Variants in CASK observed in about 807,000 individuals in gnomAD.
CASK encodes peripheral plasma membrane protein CASK.
A neutral mutation model predicts 82.9 loss-of-function variants in CASK; 4 were observed. The observed-to-expected ratio is 0.05, with a 90% CI of 0.02 to 0.11. CASK has a LOEUF of 0.11. Among genes scored for constraint, CASK ranks in the 10% least tolerant of loss-of-function variants. The pLI, the probability that CASK is intolerant of heterozygous loss-of-function variation, is 1.00. For synonymous variants in CASK, 259 were observed against 253.5 expected (o/e 1.02, Z -0.20); for missense variants, 358 against 720.9 (o/e 0.50, Z 5.76).
chrX:41,840,510 C>G (rs983814526), intron 2 of CASK, among the ~76,000 whole-genome samples: 1 of 111,940 alleles, frequency 8.9e-6, no homozygotes, highest in Admixed American at 9.4e-5. Flanking sequence ...CATAGACAAT[C>G]ATGTCATCTC....
intron 1 of CASK, among the ~76,000 whole-genome samples, chrX:41,854,103 C>A (rs2071316521): frequency 9.0e-6 from 1 of 111,511 alleles, no homozygotes; most frequent in Non-Finnish European, 1.9e-5. Flanking sequence ...GAAGTAATTT[C>A]TATGAGCACA....
chrX:41,720,018 T>G (rs1287442735), intron 5 of CASK, among the ~76,000 whole-genome samples: 18 of 112,847 alleles, frequency 1.6e-4, no homozygotes, highest in Non-Finnish European at 1.9e-5. Context: ...CTAAGAGAAG[T>G]TACTATTTAT....
At chrX:41,531,273 C>A in intron 24 of CASK, 64 bp from the exon 25 acceptor site, 3 of 860,535 alleles carry the variant, frequency 3.5e-6, no homozygotes, top group Middle Eastern at 2.7e-4. Flanking sequence ...ACACTCCCAA[C>A]AGATTTACTC....
At chrX:41,907,832 G>A (rs1188592474) in intron 1 of CASK, among the ~76,000 whole-genome samples, 1 of 110,937 alleles carries the variant, frequency 9.0e-6, no homozygotes, top group African/African-American at 3.3e-5. Flanking sequence ...CGGGGTGGGG[G>A]TAGGGGGTTC....
intron 9 of CASK, among the ~76,000 whole-genome samples, chrX:41,633,366 C>T (rs1334777677): frequency 1.8e-5 from 2 of 110,722 alleles, no homozygotes; most frequent in Non-Finnish European, 3.8e-5. Flanking sequence ...CAGATAACAA[C>T]AGTTACCACT....
At chrX:41,824,678 T>C (rs757902597) in intron 2 of CASK, among the ~76,000 whole-genome samples, 2 of 111,904 alleles carry the variant, frequency 1.8e-5, no homozygotes, top group African/African-American at 3.2e-5. Flanking sequence ...TTCAGAGTTC[T>C]GTCCCTAAGG....
At chrX:41,874,946 C>A (rs2148014160) in intron 1 of CASK, among the ~76,000 whole-genome samples, 1 of 112,575 alleles carries the variant, frequency 8.9e-6, no homozygotes, top group South Asian at 3.6e-4. Context: ...AACAGACAAT[C>A]ACGAATGGTA....
chrX:41,870,711 G>A (rs1332271627), intron 1 of CASK, among the ~76,000 whole-genome samples: 1 of 111,842 alleles, frequency 8.9e-6, no homozygotes, highest in Non-Finnish European at 1.9e-5. Flanking sequence ...TAATGAGACT[G>A]ACTAATATTA....
intron 1 of CASK, among the ~76,000 whole-genome samples, chrX:41,889,963 T>A (rs1157332103): frequency 1.8e-5 from 2 of 111,765 alleles, no homozygotes; most frequent in East Asian, 5.6e-4. Context: ...GAACTTTGCA[T>A]AATTACTTCC....
Position 41,518,756 on chromosome X carries a change from G to C in CASK, c.*1664C>G, listed in dbSNP as rs2064595806. On this transcript the variant is annotated 3_prime_UTR_variant, in exon 27 of 27. Transcript: ENST00000378163. ...TAACCTACAAGAAGCAAAAAATGAT[G>C]GTATGTTTTCAAGGATCACAGGTTA... The C allele has an allele frequency of 9.1e-6, 1 of 110,350 alleles. No homozygotes were observed. The highest frequency in any genetic ancestry group is 9.7e-5 in the Admixed American group (1 of 10,309). The allele number at this position is 110,350 out of a possible 1,213,427, so 9.1% of individuals were successfully genotyped here.
intron 11 of CASK, among the ~76,000 whole-genome samples, chrX:41,616,986 C>T (rs189022310): frequency 8.9e-6 from 1 of 112,388 alleles, no homozygotes; most frequent in East Asian, 2.8e-4. Flanking sequence ...ATATGATCAC[C>T]GGCCCTGAGG....
At chrX:41,802,713 T>G (rs2070027348) in intron 2 of CASK, among the ~76,000 whole-genome samples, 1 of 111,143 alleles carries the variant, frequency 9.0e-6, no homozygotes, top group African/African-American at 3.3e-5. Context: ...ATCAATCCTC[T>G]CAATAACTGT....
At chrX:41,900,168 C>T (rs1162467760) in intron 1 of CASK, among the ~76,000 whole-genome samples, 5 of 109,921 alleles carry the variant, frequency 4.5e-5, no homozygotes, top group African/African-American at 1.7e-4. Context: ...TGATGGTTTG[C>T]TTTTCTCTTG....
chrX:41,521,153 C>A (rs1321860911), intron 26 of CASK, among the ~76,000 whole-genome samples: 4 of 112,669 alleles, frequency 3.6e-5, no homozygotes, highest in Admixed American at 2.8e-4. Context: ...ATTTTTTCCT[C>A]TTCTACTTAA....
At chrX:41,802,969 A>G (rs1227951190) in intron 2 of CASK, among the ~76,000 whole-genome samples, 6 of 111,492 alleles carry the variant, frequency 5.4e-5, no homozygotes, top group African/African-American at 1.6e-4. Context: ...TCAAAAAAGC[A>G]CCTCTTCTCA....
intron 18 of CASK, 78 bp downstream of exon 18, chrX:41,559,701 A>G: frequency 1.1e-6 from 1 of 901,193 alleles, no homozygotes; most frequent in African/African-American, 1.9e-5. Context: ...ATTTCCCAGA[A>G]AGCAAAAACA....
chrX:41,818,043 G>A lies in CASK; in HGVS notation c.173-30760C>T, dbSNP rs926587774. On this transcript the variant is annotated intron_variant, in intron 2 of 26. Coordinates refer to ENST00000378163, the MANE Select transcript of CASK (RefSeq NM_001367721.1). The stretch of plus-strand genomic sequence containing the variant: ...CATGAATATTGGAACTGTGCATGGT[G>A]AGGCCTTGGTTTCAATATGCACGTT... Among the ~76,000 whole-genome samples the A allele has an allele frequency of 2.7e-5, 3 of 109,787 alleles. No individual in the cohort carries two copies. The East Asian group carries it at 8.6e-4, about 31-fold the overall frequency.
intron 5 of CASK, among the ~76,000 whole-genome samples, chrX:41,709,916 T>C (rs751021705): frequency 9.0e-5 from 10 of 111,042 alleles, no homozygotes; most frequent in Admixed American, 7.7e-4. Flanking sequence ...CTTAAGACAA[T>C]TGTATCTAGA....
At chrX:41,860,429 C>T (rs1429816046) in intron 1 of CASK, among the ~76,000 whole-genome samples, 1 of 111,521 alleles carries the variant, frequency 9.0e-6, no homozygotes, top group African/African-American at 3.3e-5. Context: ...AAAACTCTAC[C>T]GATTAAAGAT....
Sources: gnomAD v4.1 joint callset for allele counts (sites outside exome capture counted in the v4.1 genomes callset) on GRCh38, gnomAD v4.1.1 for gene constraint, MANE v1.5 for transcripts, NCBI Gene and HGNC (gene_info 2026-07-23, HGNC 2026-07-21) for gene names.